Variants in CNTRL observed in about 807,000 individuals in gnomAD.
CNTRL encodes the protein centriolin.
Under a neutral mutation model 303.7 loss-of-function variants are expected in CNTRL, and 233 were observed. That is an observed-to-expected ratio of 0.77 (90% confidence interval 0.69 to 0.86). CNTRL has a LOEUF of 0.86. CNTRL is among the 40% of genes least tolerant of loss of function. The probability of loss-of-function intolerance (pLI) is 0.00; values close to 1 mark genes in which losing one functional copy is unlikely to be tolerated. For missense variants in CNTRL, 2,524 were observed against 2,650.6 expected, an observed-to-expected ratio of 0.95 and a Z score of 1.05; for synonymous variants, 900 against 922.2, an observed-to-expected ratio of 0.98 and a Z score of 0.44.
intron 1 of CNTRL, 55 bp downstream of exon 1, chr9:121,075,122 G>T (rs2047860721): frequency 5.6e-6 from 2 of 356,730 alleles, no homozygotes; most frequent in Admixed American, 7.3e-5. Flanking sequence ...GAGCAGTGGG[G>T]GCCGGCGGCA....
chr9:121,162,996 C>G (rs2052920311), intron 34 of CNTRL, among the ~76,000 whole-genome samples: 1 of 151,338 alleles, frequency 6.6e-6, no homozygotes, highest in African/African-American at 2.4e-5. Flanking sequence ...TATACAAAAC[C>G]AAAAAAAGAA....
Position 121,118,615 on chromosome 9 carries a change from G to A in CNTRL, c.1650+75G>A, listed in dbSNP as rs962619072. The stretch of plus-strand genomic sequence containing the variant: ...TCATCATTGTTAGCATCAGAGTCCA[G>A]AGTCCTTTCTGAAAGTCTGTTTTAG... On this transcript the variant is annotated intron_variant, in intron 12 of 43. Coordinates refer to ENST00000373855, the MANE Select transcript of CNTRL (RefSeq NM_007018.6). The A allele has an allele frequency of 6.5e-6, 8 of 1,238,318 alleles. No individual in the cohort carries two copies. In the Admixed American group the frequency reaches 2.0e-4, roughly 31 times the overall value. 76.7% of individuals were successfully genotyped at this position (1,238,318 alleles called of 1,614,324 possible). A position where few individuals can be genotyped will look rare whatever the true frequency, so the allele number is the denominator to read the frequency against.
intron 34 of CNTRL, 169 bp downstream of exon 34, chr9:121,162,440 T>G (rs1393007220): frequency 3.2e-6 from 2 of 620,184 alleles, no homozygotes; most frequent in Non-Finnish European, 5.7e-6. Flanking sequence ...TTCTAGCTTT[T>G]TTTTTTTTTG....
Position 121,125,730 on chromosome 9 carries a change from A to G in CNTRL, c.1819A>G (p.Asn607Asp), listed in dbSNP as rs959342011. The G allele has an allele frequency of 6.2e-7, 1 of 1,614,178 alleles. No homozygotes were observed. Among genetic ancestry groups the G allele is most frequent in the Admixed American group, 1.7e-5 (1 of 60,026 alleles). Residue 607 changes from asparagine (N) to aspartate (D), a missense_variant, in exon 14 of 44, where the codon AAT (asparagine) becomes GAT (aspartate). Coordinates refer to ENST00000373855, the MANE Select transcript of CNTRL (RefSeq NM_007018.6). ...ATCTTGCTTAGGCCAGATAGCAGCA[A>G]ATGAAGCCCTGAAGAAGGATTTAGA... ...EQLTEGQIAA[N>D]EALKKDLEGV... is the part of the protein sequence containing the mutation.
intron 7 of CNTRL, among the ~76,000 whole-genome samples, chr9:121,102,887 C>T (rs1232557875): frequency 2.6e-5 from 4 of 151,996 alleles, no homozygotes; most frequent in Non-Finnish European, 4.4e-5. Context: ...CACTGCTCAA[C>T]GAAATAAAAG....
Position 121,150,373 on chromosome 9 carries a change from C to T in CNTRL, c.3853C>T (p.Pro1285Ser). 3 of 1,614,144 alleles carry T rather than the reference C, an allele frequency of 1.9e-6. No individual in the cohort carries two copies. The highest frequency in any genetic ancestry group is 2.5e-6 in the Non-Finnish European group (3 of 1,180,008). ...CACCCCTGGCACTGTTGTTTATGGC[C>T]CACCTCCTGCTGGGGCCCCCATGGT... The part of the protein sequence containing the change: ...PLTPGTVVYG[P>S]PPAGAPMVYG... The change falls in exon 25 of 44, where the codon CCA (proline) becomes TCA (serine). Residue 1285 changes from proline (P) to serine (S), a missense_variant. Pro to Ser is a moderately conservative substitution (Grantham distance 74). Transcript: ENST00000373855.
intron 34 of CNTRL, 23 bp from the exon 35 acceptor site, chr9:121,164,920 G>GACT: frequency 6.3e-7 from 1 of 1,598,036 alleles, no homozygotes; most frequent in Non-Finnish European, 8.5e-7. Context: ...ATATTTGACA[G>GACT]TCTGACTTAC....
Position 121,167,575 on chromosome 9 carries a change from G to T in CNTRL, c.5742G>T (p.Arg1914Ser), listed in dbSNP as rs1179680765. The T allele has an allele frequency of 6.2e-7, 1 of 1,614,124 alleles. No individual in the cohort carries two copies. The highest frequency in any genetic ancestry group is 1.1e-5 in the South Asian group (1 of 91,074). Residue 1914 changes from arginine to serine, a missense_variant, in exon 37 of 44, where the codon AGG becomes AGT. Arg to Ser is a moderately radical substitution (Grantham distance 110, BLOSUM62 -1). Transcript: ENST00000373855. ...AGGACATCAGTGAATGGGCAAATAG[G>T]TTTGAAGACTGTCAGAAAGAAGAGG... ...LQKDISEWANRFEDCQKEEET... is the reference protein window; with the variant it reads ...LQKDISEWANSFEDCQKEEET...
rs141775386 is a variant in CNTRL at position 121,155,139 on chromosome 9, G to A, written c.4365+226G>A. On this transcript the variant is annotated intron_variant, in intron 27 of 43. Transcript: ENST00000373855. ...ATCTATAAATTCAGGCTAAGAATAC[G>A]TAGGCTTTTCGGCATGGATTAAATA... Among the ~76,000 whole-genome samples the A allele has an allele frequency of 1.6e-4, 24 of 152,264 alleles. No individual in the cohort carries two copies. The South Asian group carries it at 3.1e-3, about 20-fold the overall frequency.
At chr9:121,123,490 T>C (rs1279361065) in intron 12 of CNTRL, among the ~76,000 whole-genome samples, 1 of 152,132 alleles carries the variant, frequency 6.6e-6, no homozygotes, top group Non-Finnish European at 1.5e-5. Context: ...TCCCAGGTAC[T>C]TGGGAGGCTG....
intron 30 of CNTRL, 70 bp from the exon 31 acceptor site, chr9:121,158,785 T>G: frequency 2.1e-6 from 3 of 1,407,984 alleles, no homozygotes; most frequent in Non-Finnish European, 2.9e-6. Flanking sequence ...CACAACTAAA[T>G]TATCTCCAGG....
chr9:121,137,181 T>G (rs2051245268), intron 15 of CNTRL, among the ~76,000 whole-genome samples: 2 of 152,108 alleles, frequency 1.3e-5, no homozygotes, highest in Admixed American at 6.5e-5. Context: ...AAAATACAAT[T>G]TATTAGCCAG....
At position 121,173,508 on chromosome 9, in the gene CNTRL, T is replaced by C. The variant is rs113714221; in HGVS notation, c.6683T>C (p.Met2228Thr). 534 of 1,613,094 alleles carry C rather than the reference T, an allele frequency of 3.3e-4. 2 individuals are homozygous for C. The highest frequency in any genetic ancestry group is 3.0e-3 in the African/African-American group (223 of 74,842). ...CTGAACTTTTCCCAAGTTCACATAA[T>C]GGTAAGGGTTTATCCTGCTATTCTC... is the stretch of plus-strand genomic sequence containing the variant. The part of the protein sequence containing the change: ...EKLNFSQVHI[M>T]DEHWRGEALR... The change falls in exon 41 of 44, where the codon ATG becomes ACG. Residue 2228 changes from methionine (M) to threonine (T), a missense_variant and splice_region_variant. Transcript: ENST00000373855.
At chr9:121,161,008 T>TG (rs780955348) in intron 32 of CNTRL, among the ~76,000 whole-genome samples, 2 of 152,086 alleles carry the variant, frequency 1.3e-5, no homozygotes, top group Non-Finnish European at 2.9e-5. Context: ...TGGAAACAGA[T>TG]GACCAATTTA....
intron 2 of CNTRL, among the ~76,000 whole-genome samples, chr9:121,085,445 T>C (rs1191886221): frequency 1.3e-5 from 2 of 152,130 alleles, no homozygotes; most frequent in Admixed American, 1.3e-4. Flanking sequence ...AGAGAGCACA[T>C]GCATGAAAGA....
chr9:121,082,093 C>G (rs1035310693), intron 2 of CNTRL, among the ~76,000 whole-genome samples: 1 of 152,194 alleles, frequency 6.6e-6, no homozygotes, highest in Non-Finnish European at 1.5e-5. Flanking sequence ...GAGAAATTAT[C>G]AACACATTAA....
chr9:121,100,808 AAAG>A (rs2049124920), intron 7 of CNTRL, among the ~76,000 whole-genome samples: 1 of 143,618 alleles, frequency 7.0e-6, no homozygotes, highest in African/African-American at 2.5e-5. Flanking sequence ...CAAAAGAGAC[AAAG>A]AAGGCCATTA....
At chr9:121,129,344 C>G (rs897101232) in intron 14 of CNTRL, among the ~76,000 whole-genome samples, 4 of 151,918 alleles carry the variant, frequency 2.6e-5, no homozygotes, top group African/African-American at 7.2e-5. Flanking sequence ...TTCTTGAAGA[C>G]GTCCTTCACA....
chr9:121,091,305 A>C (rs895736140), intron 4 of CNTRL, among the ~76,000 whole-genome samples: 6 of 152,246 alleles, frequency 3.9e-5, no homozygotes, highest in African/African-American at 1.4e-4. Flanking sequence ...CGTATTATTC[A>C]CAAAAAGTAT....
Sources: allele counts gnomAD v4.1 joint callset (sites outside exome capture counted in the v4.1 genomes callset), GRCh38; gene constraint gnomAD v4.1.1; transcripts MANE v1.5; gene names NCBI Gene and HGNC (gene_info 2026-07-23, HGNC 2026-07-21).